Variants in IQCM observed in about 807,000 individuals in gnomAD.
IQCM encodes the protein IQ motif containing M, also known as IQ domain-containing protein M.
Under a neutral mutation model 57.6 loss-of-function variants are expected in IQCM, and 45 were observed. That is an observed-to-expected ratio of 0.78 (90% CI 0.62 to 1.00). IQCM has a LOEUF of 1.00. IQCM is among the 50% of genes least tolerant of loss of function. IQCM has a pLI of 0.00. For missense variants in IQCM, 468 were observed against 511.6 expected, an observed-to-expected ratio of 0.91 and a Z score of 0.82; for synonymous variants, 148 against 158.9, an observed-to-expected ratio of 0.93 and a Z score of 0.51.
intron 12 of IQCM, among the ~76,000 whole-genome samples, chr4:149,533,454 A>G (rs1746953214): frequency 6.6e-6 from 1 of 152,142 alleles, no homozygotes; most frequent in Non-Finnish European, 1.5e-5. Context: ...AGGCCTTTAA[A>G]AAATACAAAA....
At chr4:149,618,542 A>G (rs1029788080) in intron 8 of IQCM, among the ~76,000 whole-genome samples, 2 of 152,170 alleles carry the variant, frequency 1.3e-5, no homozygotes, top group African/African-American at 4.8e-5. Context: ...CAAGATAATA[A>G]TTAAAAGAAT....
chr4:149,468,945 A>G (rs1257215812), intron 12 of IQCM, among the ~76,000 whole-genome samples: 1 of 152,190 alleles, frequency 6.6e-6, no homozygotes, highest in African/African-American at 2.4e-5. Context: ...ACAAACAGAA[A>G]GGACATCCAC....
chr4:149,757,479 G>A (rs898999498), intron 2 of IQCM, among the ~76,000 whole-genome samples: 1 of 151,842 alleles, frequency 6.6e-6, no homozygotes, highest in Non-Finnish European at 1.5e-5. Flanking sequence ...TAGAAAGGGT[G>A]AAAATTCCCA....
At chr4:149,553,637 T>C (rs1749253183) in intron 10 of IQCM, among the ~76,000 whole-genome samples, 1 of 152,230 alleles carries the variant, frequency 6.6e-6, no homozygotes, top group South Asian at 2.1e-4. Context: ...CTGTAATAGA[T>C]GATTCTTGTC....
chr4:149,452,616 A>G (rs1398601822), intron 12 of IQCM, among the ~76,000 whole-genome samples: 2 of 151,692 alleles, frequency 1.3e-5, no homozygotes, highest in South Asian at 2.1e-4. Context: ...ACATATAAAA[A>G]GCTGTACAAA....
At chr4:149,788,747 G>C (rs971281020) in intron 2 of IQCM, among the ~76,000 whole-genome samples, 1 of 152,152 alleles carries the variant, frequency 6.6e-6, no homozygotes, top group Non-Finnish European at 1.5e-5. Context: ...ATCAACCTAA[G>C]TGTCCATCAG....
At chr4:149,528,769 A>T (rs1746435785) in intron 12 of IQCM, among the ~76,000 whole-genome samples, 2 of 152,162 alleles carry the variant, frequency 1.3e-5, no homozygotes. Context: ...TGCTCAGTAG[A>T]TGGTACTTCT....
At chr4:149,655,049 C>T (rs1178494621) in intron 7 of IQCM, among the ~76,000 whole-genome samples, 1 of 152,118 alleles carries the variant, frequency 6.6e-6, no homozygotes, top group Non-Finnish European at 1.5e-5. Context: ...TTCTATTATA[C>T]ACCACTGGTC....
In IQCM at chr4:149,422,619, G is replaced by A. The variant is rs114661468; in HGVS notation, c.1390+10777C>T. Among the ~76,000 whole-genome samples the A allele has an allele frequency of 7.0e-3, 1,059 of 152,126 alleles. 14 individuals carry two copies. The highest frequency in any genetic ancestry group is 0.024 in the African/African-American group (1,002 of 41,534). On this transcript the variant is annotated intron_variant, in intron 13 of 13. Transcript: ENST00000636793. ...ATTGTGCATGTGCGTGTGTGTGTGC[G>A]CACGCATGTGTGCATGAAGGGGGTG...
intron 2 of IQCM, among the ~76,000 whole-genome samples, chr4:149,805,334 G>T (rs1773975459): frequency 6.6e-6 from 1 of 151,976 alleles, no homozygotes; most frequent in African/African-American, 2.4e-5. Context: ...AAAGGTACAT[G>T]TTAAATAAAA....
At chr4:149,530,905 A>G (rs915102431) in intron 12 of IQCM, among the ~76,000 whole-genome samples, 4 of 150,840 alleles carry the variant, frequency 2.7e-5, no homozygotes, top group African/African-American at 4.9e-5. Context: ...ACAGATTCCT[A>G]AAAATGTATG....
intron 13 of IQCM, among the ~76,000 whole-genome samples, chr4:149,407,929 A>G (rs1733099651): frequency 6.6e-6 from 1 of 152,146 alleles, no homozygotes; most frequent in Non-Finnish European, 1.5e-5. Flanking sequence ...ATCTCCATAC[A>G]GTTTTGTTGT....
At chr4:149,427,588 C>A (rs1291790811) in intron 13 of IQCM, among the ~76,000 whole-genome samples, 1 of 151,874 alleles carries the variant, frequency 6.6e-6, no homozygotes, top group African/African-American at 2.4e-5. Context: ...AATTCATCAC[C>A]CTAATACATT....
chr4:149,436,051 C>T (rs1297791853), intron 12 of IQCM, among the ~76,000 whole-genome samples: 1 of 152,058 alleles, frequency 6.6e-6, no homozygotes, highest in Non-Finnish European at 1.5e-5. Context: ...ATAAAGTCTA[C>T]AGTAGTGTAC....
chr4:149,567,202 T>C (rs1263050953), intron 9 of IQCM, among the ~76,000 whole-genome samples: 1 of 152,196 alleles, frequency 6.6e-6, no homozygotes, highest in Non-Finnish European at 1.5e-5. Context: ...AGTTTGGTAT[T>C]CCTAACATTG....
chr4:149,555,156 T>C (rs1335531934), intron 10 of IQCM, among the ~76,000 whole-genome samples: 1 of 152,256 alleles, frequency 6.6e-6, no homozygotes, highest in Non-Finnish European at 1.5e-5. Flanking sequence ...GGATGTTTGC[T>C]AATGTCTCTC....
At chr4:149,480,724 G>A (rs780121399) in intron 12 of IQCM, among the ~76,000 whole-genome samples, 3 of 152,122 alleles carry the variant, frequency 2.0e-5, no homozygotes, top group African/African-American at 7.2e-5. Flanking sequence ...ATAAACATGG[G>A]AGTGCAGTTA....
At position 149,433,549 on chromosome 4, in the gene IQCM, C is replaced by A. The variant is rs1277066262; in HGVS notation, c.1237G>T (p.Glu413Ter). The A allele has an allele frequency of 8.9e-6, 10 of 1,122,282 alleles. No individual in the cohort carries two copies. Among genetic ancestry groups the A allele is most frequent in the Non-Finnish European group, 1.0e-5 (9 of 888,544 alleles). 69.5% of individuals were successfully genotyped at this position (1,122,282 alleles called of 1,614,324 possible). A position where few individuals can be genotyped will look rare whatever the true frequency, so the allele number is the denominator to read the frequency against. Residue 413 changes from glutamate (E) to a stop codon, truncating the protein, a stop_gained, in exon 13 of 14, where the codon GAA (glutamate) becomes TAA (stop). Transcript: ENST00000636793. LOFTEE classifies it high-confidence loss of function. ...TTTTTGATTAGTTCAGAATATTTTT[C>A]TTTGCCATCTATAAAGAAAAGATAA... ...TWDLVHQDGK[E>*]KYSELIKKSK...
At chr4:149,551,605 G>A (rs1749034108) in intron 11 of IQCM, among the ~76,000 whole-genome samples, 1 of 152,042 alleles carries the variant, frequency 6.6e-6, no homozygotes, top group African/African-American at 2.4e-5. Context: ...AATTAAAGTG[G>A]ATGGAAAAGA....
Sources: allele counts gnomAD v4.1 joint callset (sites outside exome capture counted in the v4.1 genomes callset), GRCh38; gene constraint gnomAD v4.1.1; transcripts MANE v1.5; gene names NCBI Gene and HGNC (gene_info 2026-07-23, HGNC 2026-07-21).